TMEM108: variants seen among roughly 807,000 people sequenced by gnomAD.
TMEM108 encodes the protein transmembrane protein 108, also known as cancer/testis antigen 124.
In TMEM108, 12 loss-of-function variants were observed where a neutral mutation model predicts 35.1. The observed-to-expected ratio is 0.34, with a 90% confidence interval of 0.22 to 0.55. The LOEUF (loss-of-function observed/expected upper bound fraction) is 0.55. TMEM108 is among the 20% of genes least tolerant of loss of function. TMEM108 has a pLI of 0.89. For missense variants in TMEM108, 680 were observed against 753.3 expected (o/e 0.90, Z 1.14); for synonymous variants, 287 against 308.6 (o/e 0.93, Z 0.73).
chr3:133,293,117 G>C (rs2107697094), intron 3 of TMEM108, among the ~76,000 whole-genome samples: 1 of 152,156 alleles, frequency 6.6e-6, no homozygotes, highest in African/African-American at 2.4e-5. Flanking sequence ...ACACAAAGAG[G>C]AATTAGTTTA....
At chr3:133,390,477 G>A (rs2073217843) in intron 5 of TMEM108, 143 bp downstream of exon 5, 2 of 925,194 alleles carry the variant, frequency 2.2e-6, no homozygotes, top group Admixed American at 4.8e-5. Context: ...AGAGGTTGTA[G>A]GCCCTACCCT....
chr3:133,365,552 C>G (rs1212147342), intron 3 of TMEM108, among the ~76,000 whole-genome samples: 1 of 152,168 alleles, frequency 6.6e-6, no homozygotes, highest in African/African-American at 2.4e-5. Flanking sequence ...CTTTCTCTTA[C>G]TCCCGCTCTC....
chr3:133,300,975 T>TACAC lies in TMEM108; in HGVS notation c.40+71682_40+71685dup, dbSNP rs66703555. ...AAAATACAATTAATACAGACCCCAGTACACACACACACACACACACACACA... is the reference window on the plus strand; with the variant it reads ...AAAATACAATTAATACAGACCCCAGTACACACACACACACACACACACACACACA... On this transcript the variant is annotated intron_variant, in intron 3 of 5. Coordinates refer to ENST00000321871, the MANE Select transcript of TMEM108 (RefSeq NM_023943.4). Among the ~76,000 whole-genome samples the TACAC allele has an allele frequency of 8.3e-4, 109 of 131,336 alleles. 1 individual carries two copies. The highest frequency in any genetic ancestry group is 7.5e-3 in the Middle Eastern group (2 of 266). The allele number at this position is 131,336 out of a possible 152,430, so 86.2% of individuals were successfully genotyped here.
chr3:133,179,134 A>G (rs1437524231), intron 2 of TMEM108, among the ~76,000 whole-genome samples: 49 of 151,498 alleles, frequency 3.2e-4, no homozygotes, highest in African/African-American at 1.0e-3. Context: ...TAGAATGGCG[A>G]TCATTAAAAA....
intron 2 of TMEM108, among the ~76,000 whole-genome samples, chr3:133,222,192 G>GT (rs933067592): frequency 3.3e-5 from 5 of 151,992 alleles, no homozygotes; most frequent in Non-Finnish European, 5.9e-5. Context: ...GGTTTCAGGG[G>GT]TTTTTTTGGC....
chr3:133,111,059 G>T (rs1326994647), intron 2 of TMEM108, among the ~76,000 whole-genome samples: 1 of 152,168 alleles, frequency 6.6e-6, no homozygotes, highest in Admixed American at 6.5e-5. Context: ...GGGTATGGGG[G>T]CCATAGATGT....
chr3:133,110,788 A>G (rs995053735), intron 2 of TMEM108, among the ~76,000 whole-genome samples: 3 of 152,234 alleles, frequency 2.0e-5, no homozygotes, highest in South Asian at 2.1e-4. Flanking sequence ...AGAATCTCCT[A>G]TAGGCTTTGT....
chr3:133,321,365 G>A (rs143686925), intron 3 of TMEM108, among the ~76,000 whole-genome samples: 17 of 152,146 alleles, frequency 1.1e-4, no homozygotes, highest in East Asian at 1.9e-4. Flanking sequence ...CAAGAGTAGC[G>A]ATTCTTATAT....
At chr3:133,248,164 C>G (rs1484894073) in intron 3 of TMEM108, 3 of 152,096 alleles carry the variant, frequency 2.0e-5, no homozygotes, top group Non-Finnish European at 1.5e-5. Context: ...AATTAGTCCT[C>G]TTAACCAATA....
At chr3:133,215,149 T>C (rs1328549865) in intron 2 of TMEM108, among the ~76,000 whole-genome samples, 3 of 152,166 alleles carry the variant, frequency 2.0e-5, no homozygotes, top group African/African-American at 7.2e-5. Flanking sequence ...GTGTTTCTGA[T>C]TAAAGACACC....
chr3:133,251,962 T>C (rs961835556), intron 3 of TMEM108, among the ~76,000 whole-genome samples: 2 of 152,184 alleles, frequency 1.3e-5, no homozygotes, highest in Non-Finnish European at 1.5e-5. Flanking sequence ...AATAGGCATG[T>C]TTTTCAGACA....
At chr3:133,087,729 T>C (rs1263484740) in intron 2 of TMEM108, among the ~76,000 whole-genome samples, 1 of 152,144 alleles carries the variant, frequency 6.6e-6, no homozygotes, top group Non-Finnish European at 1.5e-5. Context: ...TTCGGGTATC[T>C]TGAGAACAAG....
chr3:133,058,055 C>A (rs1485488037), intron 2 of TMEM108, among the ~76,000 whole-genome samples: 1 of 151,702 alleles, frequency 6.6e-6, no homozygotes, highest in Non-Finnish European at 1.5e-5. Context: ...AGAAATGCAG[C>A]CCTTGAGCAC....
intron 3 of TMEM108, among the ~76,000 whole-genome samples, chr3:133,277,298 T>C (rs1285609955): frequency 6.6e-6 from 1 of 152,088 alleles, no homozygotes; most frequent in Non-Finnish European, 1.5e-5. Flanking sequence ...AAGATTTCTT[T>C]ATAGTTTCAA....
At chr3:133,181,024 A>AAAC (rs1479221518) in intron 2 of TMEM108, among the ~76,000 whole-genome samples, 1 of 142,140 alleles carries the variant, frequency 7.0e-6, no homozygotes, top group African/African-American at 3.0e-5. Flanking sequence ...AAAAAAAAAA[A>AAAC]AAAAAAAAAA....
At chr3:133,208,116 G>T (rs966288968) in intron 2 of TMEM108, among the ~76,000 whole-genome samples, 3 of 152,170 alleles carry the variant, frequency 2.0e-5, no homozygotes, top group Non-Finnish European at 4.4e-5. Flanking sequence ...TAAAGCAGGG[G>T]TTCCCAAACG....
chr3:133,128,256 T>C lies in TMEM108; in HGVS notation c.-47+82236T>C, dbSNP rs577776953. Among the ~76,000 whole-genome samples, 41 of 152,214 alleles carry C rather than the reference T, an allele frequency of 2.7e-4. 1 individual carries two copies. The highest frequency in any genetic ancestry group is 5.7e-4 in the Non-Finnish European group (39 of 68,036). On this transcript the variant is annotated intron_variant, in intron 2 of 5. Transcript: ENST00000321871. ...TAAAATTCATCCACTCTGTTTTGAA[T>C]ATATCAAGTGAAAAGCACTTACATT...
chr3:133,276,740 G>A (rs1462247764), intron 3 of TMEM108, among the ~76,000 whole-genome samples: 1 of 152,186 alleles, frequency 6.6e-6, no homozygotes, highest in African/African-American at 2.4e-5. Flanking sequence ...AAATTAAGAG[G>A]TGCCAAGAGG....
At chr3:133,334,593 TG>T (rs2071456402) in intron 3 of TMEM108, among the ~76,000 whole-genome samples, 1 of 152,118 alleles carries the variant, frequency 6.6e-6, no homozygotes, top group Admixed American at 6.5e-5. Context: ...AAGTTCTTGG[TG>T]TTGCCCTTCC....
Sources: gnomAD v4.1 joint callset for allele counts (sites outside exome capture counted in the v4.1 genomes callset) on GRCh38, gnomAD v4.1.1 for gene constraint, MANE v1.5 for transcripts, NCBI Gene and HGNC (gene_info 2026-07-23, HGNC 2026-07-21) for gene names.